Variants in SH3PXD2B observed in about 807,000 individuals in gnomAD.
SH3PXD2B encodes the protein SH3 and PX domains 2B.
SH3PXD2B carries 37 observed loss-of-function variants against 73.1 expected under a neutral mutation model. The ratio of observed to expected loss-of-function variants is 0.51; its 90% confidence interval spans 0.39 to 0.67. The LOEUF (loss-of-function observed/expected upper bound fraction) is 0.67, where lower values mean the gene tolerates loss of function less well. SH3PXD2B is among the 30% of genes least tolerant of loss of function. SH3PXD2B has a pLI of 0.00. For synonymous variants in SH3PXD2B, 457 were observed against 480.5 expected, an observed-to-expected ratio of 0.95 and a Z score of 0.64; for missense variants, 1,053 against 1,197.8, an observed-to-expected ratio of 0.88 and a Z score of 1.78.
intron 12 of SH3PXD2B, among the ~76,000 whole-genome samples, chr5:172,342,693 A>T (rs1304963996): frequency 2.6e-5 from 4 of 152,116 alleles, no homozygotes; most frequent in Admixed American, 2.6e-4. Flanking sequence ...CCTGGGAGGC[A>T]GAGGTTGCAG....
intron 8 of SH3PXD2B, among the ~76,000 whole-genome samples, chr5:172,354,928 T>C (rs1561900486): frequency 6.6e-6 from 1 of 152,146 alleles, no homozygotes; most frequent in Non-Finnish European, 1.5e-5. Flanking sequence ...CTGGAGGGCC[T>C]GGGCTCGGCA....
At chr5:172,422,946 C>T (rs1180396511) in intron 1 of SH3PXD2B, among the ~76,000 whole-genome samples, 1 of 152,202 alleles carries the variant, frequency 6.6e-6, no homozygotes, top group Admixed American at 6.5e-5. Flanking sequence ...CGACGAGGAC[C>T]TAGGCCAAGT....
chr5:172,338,503 T>G lies in SH3PXD2B; in HGVS notation c.2602A>C (p.Ser868Arg), dbSNP rs1756757147. 2 of 1,614,226 alleles carry G rather than the reference T, an allele frequency of 1.2e-6. No homozygotes were observed. Among genetic ancestry groups the G allele is most frequent in the Non-Finnish European group, 1.7e-6 (2 of 1,180,044 alleles). Reference protein sequence around the residue: ...VADFEGDKDTSSFQEGTVFEV... With the variant: ...VADFEGDKDTRSFQEGTVFEV... ...AACACTGTCCCTTCCTGGAAGCTGC[T>G]GGTGTCTTTGTCTCCTTCAAAGTCG... Residue 868 changes from serine to arginine, a missense_variant, in exon 13 of 13, where the codon AGC becomes CGC. Ser to Arg is a moderately radical substitution (Grantham distance 110). Transcript: ENST00000311601. This position sits in a 1 kb window ranked among gnomAD's most constrained non-coding sequence, Gnocchi z 5.1.
At position 172,350,344 on chromosome 5, in the gene SH3PXD2B, T is replaced by C. The variant is rs960777414; in HGVS notation, c.1012+19A>G. 1.2e-6 allele frequency: 2 copies of C among 1,612,042 alleles called. No individual in the cohort carries two copies. On this transcript the variant is annotated intron_variant, in intron 10 of 12. Coordinates refer to ENST00000311601, the MANE Select transcript of SH3PXD2B (RefSeq NM_001017995.3). The stretch of plus-strand genomic sequence containing the variant: ...CACAGGGGCCCTGATTATCAGGAGC[T>C]TGGGCGGGTGTCACTCACTCTGCTT...
rs959471165 is a variant in SH3PXD2B at position 172,335,457 on chromosome 5, G to A, written c.*2912C>T. On this transcript the variant is annotated 3_prime_UTR_variant, in exon 13 of 13. Coordinates refer to ENST00000311601, the MANE Select transcript of SH3PXD2B (RefSeq NM_001017995.3). ...AACAAAACCAAACAAACCCAAACTC[G>A]AGATCTCAGTCCCAGCTTGGCCACT... The A allele has an allele frequency of 1.4e-4, 169 of 1,229,982 alleles. No homozygotes were observed. The highest frequency in any genetic ancestry group is 1.6e-4 in the Non-Finnish European group (156 of 987,318). 76.2% of individuals were successfully genotyped at this position (1,229,982 alleles called of 1,614,324 possible). A position where few individuals can be genotyped will look rare whatever the true frequency, so the allele number is the denominator to read the frequency against.
chr5:172,338,980 C>T lies in SH3PXD2B; in HGVS notation c.2125G>A (p.Ala709Thr), dbSNP rs201406507. The T allele has an allele frequency of 4.5e-4, 719 of 1,613,988 alleles. 3 individuals carry two copies. Among genetic ancestry groups the T allele is most frequent in the East Asian group, 1.3e-4 (6 of 44,890 alleles). Reference protein sequence around the residue: ...SFLPGEGPGRAQDRTGKQDGL... With the variant: ...SFLPGEGPGRTQDRTGKQDGL... ...TCCTGTTTGCCCGTCCTGTCCTGGGCGCGGCCAGGCCCCTCTCCTGGGAGG... is the reference window on the plus strand; with the variant it reads ...TCCTGTTTGCCCGTCCTGTCCTGGGTGCGGCCAGGCCCCTCTCCTGGGAGG... Residue 709 changes from alanine to threonine, a missense_variant, in exon 13 of 13, where the codon GCC (alanine) becomes ACC (threonine). Physicochemically the swap from Ala to Thr is moderately conservative, Grantham distance 58. Coordinates refer to ENST00000311601, the MANE Select transcript of SH3PXD2B (RefSeq NM_001017995.3). This position sits in a 1 kb window ranked among gnomAD's most constrained non-coding sequence, Gnocchi z 5.1.
At chr5:172,374,853 C>T (rs748727585) in intron 5 of SH3PXD2B, among the ~76,000 whole-genome samples, 1 of 152,006 alleles carries the variant, frequency 6.6e-6, no homozygotes, top group Non-Finnish European at 1.5e-5. Context: ...AGACCCAGTG[C>T]CGGCACCCTG....
chr5:172,328,254 T>G (rs1262820551), intron 12 of SH3PXD2B, among the ~76,000 whole-genome samples: 2 of 151,690 alleles, frequency 1.3e-5, no homozygotes, highest in African/African-American at 2.4e-5. Context: ...TACAGGCGTG[T>G]GCCACCATGC....
At position 172,350,550 on chromosome 5, in the gene SH3PXD2B, T is replaced by C. The variant is rs922058305; in HGVS notation, c.825A>G (p.Leu275=). The change falls in exon 10 of 13, where the codon CTA becomes CTG. Residue 275 remains leucine, a synonymous_variant. Transcript: ENST00000311601. ...GCAAGGGCTCCCCACTGTTCTTCTT[T>C]AGGTAGGAGGCGGGGGCCCAGCCTT... The part of the protein sequence containing the change: ...GKEGWAPASY[L]KKNSGEPLPP... 6.2e-7 allele frequency: 1 copy of C among 1,613,458 alleles called. No homozygotes were observed.
Position 172,353,976 on chromosome 5 carries a change from T to C in SH3PXD2B, c.697A>G (p.Thr233Ala). 6.2e-7 allele frequency: 1 copy of C among 1,614,142 alleles called. No individual in the cohort carries two copies. The highest frequency in any genetic ancestry group is 8.5e-7 in the Non-Finnish European group (1 of 1,180,026). Reference sequence around the variant, plus strand: ...TTCATTTCATCCTGGTCCCGAGCTGTGTACGGGTAGATGACTGTGTACTTC... The same window carrying C: ...TTCATTTCATCCTGGTCCCGAGCTGCGTACGGGTAGATGACTGTGTACTTC... Reference protein sequence around the residue: ...EEKYTVIYPYTARDQDEMNLE... With the variant: ...EEKYTVIYPYAARDQDEMNLE... Residue 233 changes from threonine to alanine, a missense_variant, in exon 9 of 13, where the codon ACA (threonine) becomes GCA (alanine). Thr to Ala is a moderately conservative substitution (Grantham distance 58). Coordinates refer to ENST00000311601, the MANE Select transcript of SH3PXD2B (RefSeq NM_001017995.3). The surrounding 1 kb of genome is among the most constrained non-coding windows in gnomAD (Gnocchi z 4.3).
intron 5 of SH3PXD2B, among the ~76,000 whole-genome samples, chr5:172,378,611 C>G (rs912981457): frequency 6.6e-6 from 1 of 152,220 alleles, no homozygotes; most frequent in Non-Finnish European, 1.5e-5. Context: ...CCTTCCTCTG[C>G]CCTTGGGCAA....
At chr5:172,330,105 T>C (rs1756528321), downstream of SH3PXD2B, among the ~76,000 whole-genome samples, 1 of 152,192 alleles carries the variant, frequency 6.6e-6, no homozygotes, top group East Asian at 1.9e-4. Flanking sequence ...TACACACCGG[T>C]TGAGCTCTCC....
chr5:172,439,498 A>G (rs1759493759), intron 1 of SH3PXD2B, among the ~76,000 whole-genome samples: 2 of 152,044 alleles, frequency 1.3e-5, no homozygotes, highest in Non-Finnish European at 2.9e-5. Context: ...TTGGCACACC[A>G]TCTGGTCACA....
intron 2 of SH3PXD2B, among the ~76,000 whole-genome samples, chr5:172,407,094 G>T (rs572862015): frequency 8.9e-4 from 135 of 152,302 alleles, no homozygotes; most frequent in African/African-American, 2.8e-3. Flanking sequence ...TCCCCATGGG[G>T]TCTTAGGAAA....
chr5:172,439,692 G>GCACACACACACACA (rs367799974), intron 1 of SH3PXD2B, among the ~76,000 whole-genome samples: 186 of 138,604 alleles, frequency 1.3e-3, no homozygotes, highest in Middle Eastern at 3.6e-3. Context: ...GCACGCGCGC[G>GCACACACACACACA]CACACACACA....
chr5:172,410,227 C>G (rs576612974), intron 2 of SH3PXD2B, among the ~76,000 whole-genome samples: 2 of 152,322 alleles, frequency 1.3e-5, no homozygotes, highest in African/African-American at 4.8e-5. Context: ...TACATTGTTT[C>G]CCATGGTGGC....
chr5:172,408,171 T>G (rs572573967), intron 2 of SH3PXD2B, among the ~76,000 whole-genome samples: 1 of 152,248 alleles, frequency 6.6e-6, no homozygotes, highest in East Asian at 1.9e-4. Context: ...CCTTCTCTCT[T>G]TTTTCCCTTG....
At chr5:172,368,652 AATAT>A (rs1166265746) in intron 6 of SH3PXD2B, among the ~76,000 whole-genome samples, 1 of 11,660 alleles carries the variant, frequency 8.6e-5, no homozygotes, top group South Asian at 5.6e-3. Flanking sequence ...ATATATATAA[AATAT>A]ATATATTATA....
chr5:172,440,539 A>G (rs1463016364), intron 1 of SH3PXD2B, among the ~76,000 whole-genome samples: 2 of 152,212 alleles, frequency 1.3e-5, no homozygotes, highest in Non-Finnish European at 2.9e-5. Flanking sequence ...CTCACCTTTC[A>G]GCCCCACAAC....
Sources: gnomAD v4.1 joint callset for allele counts (sites outside exome capture counted in the v4.1 genomes callset) on GRCh38, gnomAD v4.1.1 for gene constraint, Gnocchi (gnomAD v3.1) non-coding constraint, MANE v1.5 for transcripts, NCBI Gene and HGNC (gene_info 2026-07-23, HGNC 2026-07-21) for gene names.